Variants in NSUN6 observed in about 807,000 individuals in gnomAD.
The protein encoded by NSUN6 is NOP2/Sun RNA methyltransferase 6.
A neutral mutation model predicts 58.0 loss-of-function variants in NSUN6; 64 were observed. That is an observed-to-expected ratio of 1.10 (90% confidence interval 0.90 to 1.36). The LOEUF is 1.36. Among genes scored for constraint, NSUN6 ranks in the 40% most tolerant of loss-of-function variants. The probability of loss-of-function intolerance (pLI) is 0.00; values close to 1 mark genes in which losing one functional copy is unlikely to be tolerated. For synonymous variants in NSUN6, 231 were observed against 193.9 expected (o/e 1.19, Z -1.59); for missense variants, 701 against 550.1 (o/e 1.27, Z -2.74).
chr10:18,595,864 T>C (rs1033737062), intron 7 of NSUN6, among the ~76,000 whole-genome samples: 5 of 152,202 alleles, frequency 3.3e-5, no homozygotes, highest in Non-Finnish European at 5.9e-5. Flanking sequence ...TTTGATAATA[T>C]ACTGTGAAAT....
At chr10:18,552,029 C>A in intron 8 of NSUN6, 58 bp from the exon 9 acceptor site, 1 of 971,006 alleles carries the variant, frequency 1.0e-6, no homozygotes, top group Non-Finnish European at 1.5e-6. Context: ...AACTAGAAAA[C>A]TCCTGAGATG....
At chr10:18,598,759 C>A (rs1235026060) in intron 6 of NSUN6, among the ~76,000 whole-genome samples, 1 of 152,166 alleles carries the variant, frequency 6.6e-6, no homozygotes, top group Non-Finnish European at 1.5e-5. Context: ...AGCCAGTATA[C>A]CTGGCAGCAA....
intron 8 of NSUN6, among the ~76,000 whole-genome samples, chr10:18,566,906 T>A: frequency 6.6e-6 from 1 of 150,648 alleles, no homozygotes; most frequent in East Asian, 2.0e-4. Context: ...CCATTGTCCA[T>A]TCTATTCTCC....
intron 8 of NSUN6, among the ~76,000 whole-genome samples, chr10:18,569,150 C>T (rs953205336): frequency 1.3e-5 from 2 of 150,558 alleles, no homozygotes; most frequent in East Asian, 2.0e-4. Flanking sequence ...CATTCCACTG[C>T]ATTCTCCATT....
At chr10:18,562,095 G>A (rs1289948787) in intron 8 of NSUN6, among the ~76,000 whole-genome samples, 1 of 150,998 alleles carries the variant, frequency 6.6e-6, no homozygotes, top group East Asian at 1.9e-4. Flanking sequence ...GAATGGAGTG[G>A]AATGGAACGG....
intron 3 of NSUN6, among the ~76,000 whole-genome samples, chr10:18,620,264 T>C (rs2058558974): frequency 6.6e-6 from 1 of 152,156 alleles, no homozygotes; most frequent in Admixed American, 6.5e-5. Context: ...ATTTTTTGTG[T>C]TTTTAGTAGA....
chr10:18,600,993 T>TATACATATA (rs1554870074), intron 6 of NSUN6, among the ~76,000 whole-genome samples: 3 of 126,402 alleles, frequency 2.4e-5, no homozygotes, highest in Non-Finnish European at 5.0e-5. Flanking sequence ...TATATATATA[T>TATACATATA]TATATACTAG....
At chr10:18,567,401 A>G (rs1320974213) in intron 8 of NSUN6, among the ~76,000 whole-genome samples, 3 of 140,652 alleles carry the variant, frequency 2.1e-5, no homozygotes, top group Non-Finnish European at 4.6e-5. Flanking sequence ...ACCATTCTCC[A>G]TCATTGCATT....
chr10:18,636,840 G>C (rs912356522), intron 3 of NSUN6, among the ~76,000 whole-genome samples: 16 of 150,178 alleles, frequency 1.1e-4, no homozygotes, highest in African/African-American at 3.9e-4. Flanking sequence ...AATGAACCAA[G>C]GTCACTTCAC....
chr10:18,607,573 A>G (rs539534893), intron 6 of NSUN6, among the ~76,000 whole-genome samples: 3 of 152,246 alleles, frequency 2.0e-5, no homozygotes, highest in African/African-American at 7.2e-5. Context: ...ACCGTCAAAG[A>G]AACTGAGAAA....
chr10:18,594,512 G>A (rs12779694), intron 7 of NSUN6, among the ~76,000 whole-genome samples: 31,434 of 151,524 alleles, frequency 0.21, 3,578 homozygotes, highest in South Asian at 0.31. Context: ...GCAGTGGCGC[G>A]ATCTTGGCTC....
chr10:18,610,786 T>C (rs1418811513), intron 5 of NSUN6, among the ~76,000 whole-genome samples: 2 of 152,150 alleles, frequency 1.3e-5, no homozygotes, highest in Non-Finnish European at 2.9e-5. Flanking sequence ...AAGCCAAGCC[T>C]GGCCTTGTGT....
In NSUN6 at chr10:18,551,986, A is replaced by G; in HGVS notation, c.923-15T>C. The G allele has an allele frequency of 6.4e-7, 1 of 1,552,890 alleles. No homozygotes were observed. The highest frequency in any genetic ancestry group is 8.9e-7 in the Non-Finnish European group (1 of 1,129,732). On this transcript the variant is annotated splice_polypyrimidine_tract_variant and intron_variant, in intron 8 of 10. Transcript: ENST00000377304. ...TGGAGGTTCTCCTATAAAGAGAATT[A>G]TAATCATGTTTACTATCTTCCATAT...
chr10:18,625,590 G>A (rs1238234836), intron 3 of NSUN6, among the ~76,000 whole-genome samples: 2 of 151,818 alleles, frequency 1.3e-5, no homozygotes, highest in Non-Finnish European at 2.9e-5. Flanking sequence ...GTGGGCACCT[G>A]TAATCCCAGC....
chr10:18,614,617 G>C lies in NSUN6; in HGVS notation c.422-4C>G, dbSNP rs754057360. The C allele has an allele frequency of 8.9e-6, 12 of 1,348,646 alleles. No homozygotes were observed. The highest frequency in any genetic ancestry group is 1.2e-5 in the Non-Finnish European group (12 of 1,007,506). 83.5% of individuals were successfully genotyped at this position (1,348,646 alleles called of 1,614,324 possible). The stretch of plus-strand genomic sequence containing the variant: ...ATAACATCTCCAGCTTTCATAACTA[G>C]AGAAAGAAGAAAATCAGATTACACT... On this transcript the variant is annotated splice_polypyrimidine_tract_variant and splice_region_variant and intron_variant, in intron 4 of 10. Transcript: ENST00000377304.
intron 3 of NSUN6, among the ~76,000 whole-genome samples, chr10:18,636,914 T>C (rs1424381123): frequency 2.1e-5 from 3 of 143,298 alleles, no homozygotes; most frequent in Non-Finnish European, 1.5e-5. Context: ...ATTAAAAATA[T>C]ATATACTTAA....
At chr10:18,597,300 AAC>A (rs1300205865) in intron 6 of NSUN6, among the ~76,000 whole-genome samples, 1 of 152,242 alleles carries the variant, frequency 6.6e-6, no homozygotes, top group East Asian at 1.9e-4. Flanking sequence ...TGGCAAGAAA[AAC>A]AGAGTCTTAT....
At chr10:18,631,066 G>A (rs2059013405) in intron 3 of NSUN6, among the ~76,000 whole-genome samples, 1 of 151,962 alleles carries the variant, frequency 6.6e-6, no homozygotes, top group African/African-American at 2.4e-5. Context: ...TGATCAAGTG[G>A]GCTTCATCCC....
chr10:18,606,511 T>C (rs551046924), intron 6 of NSUN6, among the ~76,000 whole-genome samples: 4 of 152,320 alleles, frequency 2.6e-5, no homozygotes, highest in African/African-American at 9.6e-5. Flanking sequence ...AGTTGGAGTT[T>C]AGGGTAATGT....
Sources: gnomAD v4.1 joint callset for allele counts (sites outside exome capture counted in the v4.1 genomes callset) on GRCh38, gnomAD v4.1.1 for gene constraint, MANE v1.5 for transcripts, NCBI Gene and HGNC (gene_info 2026-07-23, HGNC 2026-07-21) for gene names.